Variants in ACOX3 observed in about 807,000 individuals in gnomAD.
ACOX3 encodes acyl-CoA oxidase 3, pristanoyl.
ACOX3 carries 73 observed loss-of-function variants against 81.5 expected under a neutral mutation model. That is an observed-to-expected ratio of 0.90 (90% CI 0.74 to 1.09). The LOEUF (loss-of-function observed/expected upper bound fraction) is 1.09, where lower values mean the gene tolerates loss of function less well. Among genes scored for constraint, ACOX3 ranks in the 50% least tolerant of loss-of-function variants. ACOX3 has a pLI of 0.00. For missense variants in ACOX3, 947 were observed against 928.0 expected (o/e 1.02, Z -0.27); for synonymous variants, 387 against 375.1 (o/e 1.03, Z -0.37).
Position 8,384,672 on chromosome 4 carries a change from G to A in ACOX3, c.1538-3065C>T, listed in dbSNP as rs1171569544. On this transcript the variant is annotated intron_variant, in intron 13 of 17. Coordinates refer to ENST00000356406, the MANE Select transcript of ACOX3 (RefSeq NM_003501.3). The surrounding 1 kb of genome is among the most constrained non-coding windows in gnomAD (Gnocchi z 5.3). ...TCCTTGACCCCATGGTGAGCTCTTCGCATGCACTGCCTGCCTTTCGGGTCT... is the reference window on the plus strand; with the variant it reads ...TCCTTGACCCCATGGTGAGCTCTTCACATGCACTGCCTGCCTTTCGGGTCT... Among the ~76,000 whole-genome samples, 2 of 152,058 alleles carry A rather than the reference G, an allele frequency of 1.3e-5. No homozygotes were observed. The highest frequency in any genetic ancestry group is 2.4e-5 in the African/African-American group (1 of 41,388).
At chr4:8,363,760 C>T (rs182152875), downstream of ACOX3, among the ~76,000 whole-genome samples, 6 of 152,196 alleles carry the variant, frequency 3.9e-5, no homozygotes, top group East Asian at 5.8e-4. Flanking sequence ...GTAAGGAAGT[C>T]GGCTAAAACC....
chr4:8,406,947 C>T lies in ACOX3; in HGVS notation c.688-904G>A, dbSNP rs983126916. On this transcript the variant is annotated intron_variant, in intron 6 of 17. Coordinates refer to ENST00000356406, the MANE Select transcript of ACOX3 (RefSeq NM_003501.3). The surrounding 1 kb of genome is among the most constrained non-coding windows in gnomAD (Gnocchi z 5.6). ...TCTACAAGAGGTGGAGGAGTAGAGT[C>T]TTCTCTAAACTCCCCCAGGGAAAGG... Among the ~76,000 whole-genome samples the T allele has an allele frequency of 6.6e-6, 1 of 152,130 alleles. No individual in the cohort carries two copies. The highest frequency in any genetic ancestry group is 1.9e-4 in the East Asian group (1 of 5,182).
At position 8,370,874 on chromosome 4, in the gene ACOX3, G is replaced by A. The variant is rs1173635507; in HGVS notation, c.1983+34C>T. On this transcript the variant is annotated intron_variant, in intron 17 of 17. Transcript: ENST00000356406. This position sits in a 1 kb window ranked among gnomAD's most constrained non-coding sequence, Gnocchi z 6.3. ...TCCGCAGAAATGCCCATCAACCCTT[G>A]GGGCACTCCCGTGAGGCCCTGTCCT... The A allele has an allele frequency of 2.6e-5, 41 of 1,591,624 alleles. No homozygotes were observed. The highest frequency in any genetic ancestry group is 3.4e-5 in the Non-Finnish European group (40 of 1,161,112).
At chr4:8,420,046 T>C (rs954270) in intron 1 of ACOX3, among the ~76,000 whole-genome samples, 61,832 of 152,066 alleles carry the variant, frequency 0.41, 12,890 homozygotes, top group South Asian at 0.5. Context: ...AGCAGCTACA[T>C]AGACCTCAAC....
At chr4:8,428,755 C>A (rs1209811673) in intron 1 of ACOX3, among the ~76,000 whole-genome samples, 1 of 152,240 alleles carries the variant, frequency 6.6e-6, no homozygotes, top group African/African-American at 2.4e-5. Flanking sequence ...GGATCAGGAC[C>A]CCCAGTCTGG....
intron 16 of ACOX3, among the ~76,000 whole-genome samples, chr4:8,371,277 C>T (rs918499077): frequency 2.0e-5 from 3 of 152,166 alleles, no homozygotes; most frequent in South Asian, 2.1e-4. Flanking sequence ...CCCTGAAGCT[C>T]GTGAATTAGC....
chr4:8,355,651 A>AT, the ACOX3 span: 1 of 152,278 alleles, frequency 6.6e-6, no homozygotes, highest in East Asian at 1.9e-4. Context: ...AGGCTAGAGC[A>AT]TAAGAGTCTT....
At chr4:8,410,506 C>T in intron 5 of ACOX3, 151 bp from the exon 6 acceptor site, 6 of 1,047,138 alleles carry the variant, frequency 5.7e-6, no homozygotes, top group Non-Finnish European at 8.2e-6. Context: ...TTGTATGGCA[C>T]AGGCAGGCCT....
At chr4:8,420,344 G>A (rs28527486) in intron 1 of ACOX3, among the ~76,000 whole-genome samples, 1 of 152,114 alleles carries the variant, frequency 6.6e-6, no homozygotes, top group Non-Finnish European at 1.5e-5. Context: ...GTGCACCTTG[G>A]GGGTGATAAT....
In ACOX3 at chr4:8,406,585, T is replaced by C. The variant is rs1398511612; in HGVS notation, c.688-542A>G. Among the ~76,000 whole-genome samples, 1 of 151,792 alleles carries C rather than the reference T, an allele frequency of 6.6e-6. No homozygotes were observed. The highest frequency in any genetic ancestry group is 1.5e-5 in the Non-Finnish European group (1 of 67,986). Reference sequence around the variant, plus strand: ...CCAGGCTGCACTGATACTTATTGGATACAAGACAAAGGCAGGATAAGGAGA... The same window carrying C: ...CCAGGCTGCACTGATACTTATTGGACACAAGACAAAGGCAGGATAAGGAGA... On this transcript the variant is annotated intron_variant, in intron 6 of 17. Coordinates refer to ENST00000356406, the MANE Select transcript of ACOX3 (RefSeq NM_003501.3). The surrounding 1 kb of genome is among the most constrained non-coding windows in gnomAD (Gnocchi z 5.6).
At position 8,431,639 on chromosome 4, in the gene ACOX3, G is replaced by C. The variant is rs1269002555; in HGVS notation, c.-15+9009C>G. Among the ~76,000 whole-genome samples, 1 of 152,238 alleles carries C rather than the reference G, an allele frequency of 6.6e-6. No homozygotes were observed. Among genetic ancestry groups the C allele is most frequent in the East Asian group, 1.9e-4 (1 of 5,194 alleles). ...ACATGTTTGTTAGCTATTTCTGGGT[G>C]AAACCACCAGGAGCTGCACGTGGAC... is the stretch of plus-strand genomic sequence containing the variant. On this transcript the variant is annotated intron_variant, in intron 1 of 17. Transcript: ENST00000356406. This position sits in a 1 kb window ranked among gnomAD's most constrained non-coding sequence, Gnocchi z 5.3.
At chr4:8,410,882 A>C (rs1721648161) in intron 5 of ACOX3, among the ~76,000 whole-genome samples, 1 of 152,204 alleles carries the variant, frequency 6.6e-6, no homozygotes, top group Non-Finnish European at 1.5e-5. Context: ...GAACATCAGA[A>C]GGAAGGAAGG....
chr4:8,403,119 C>G (rs1396097452), intron 7 of ACOX3, among the ~76,000 whole-genome samples: 1 of 152,184 alleles, frequency 6.6e-6, no homozygotes, highest in Non-Finnish European at 1.5e-5. Flanking sequence ...AAAATTAATC[C>G]ACACAATTTA....
rs1387611452 is a variant in ACOX3 at position 8,389,254 on chromosome 4, C to G, written c.1456G>C (p.Val486Leu). 12 of 1,613,590 alleles carry G rather than the reference C, an allele frequency of 7.4e-6. No individual in the cohort carries two copies. In the Admixed American group the frequency reaches 1.2e-4, roughly 16 times the overall value. ...CCGGGATAGGCGTCCAGAAAGTCCACTGACTTCAGCGGACTGCGGAAGCAA... is the reference window on the plus strand; with the variant it reads ...CCGGGATAGGCGTCCAGAAAGTCCAGTGACTTCAGCGGACTGCGGAAGCAA... ...GACFRSPLKS[V>L]DFLDAYPGIL... Residue 486 changes from valine (V) to leucine (L), a missense_variant, in exon 13 of 18, where the codon GTG becomes CTG. Physicochemically the swap from Val to Leu is conservative, Grantham distance 32. Transcript: ENST00000356406. The surrounding 1 kb of genome is among the most constrained non-coding windows in gnomAD (Gnocchi z 5.3).
At chr4:8,373,189 G>A (rs528689272) in intron 16 of ACOX3, among the ~76,000 whole-genome samples, 3 of 152,360 alleles carry the variant, frequency 2.0e-5, no homozygotes, top group Non-Finnish European at 4.4e-5. Context: ...GAGGGCCTGG[G>A]TGTGTGCAGA....
At chr4:8,358,502 G>A in the ACOX3 span, among the ~76,000 whole-genome samples, 1 of 152,124 alleles carries the variant, frequency 6.6e-6, no homozygotes, top group Non-Finnish European at 1.5e-5. Context: ...TTGAATATGA[G>A]CTGGGTAAAA....
intron 1 of ACOX3, chr4:8,436,479 G>A (rs1724241637): frequency 6.6e-6 from 1 of 152,140 alleles, no homozygotes; most frequent in Admixed American, 6.5e-5. Context: ...TTAAAAAAGG[G>A]CCTGTTAAGA....
chr4:8,361,425 C>CAAAA (rs56251372), downstream of ACOX3, among the ~76,000 whole-genome samples: 256 of 39,028 alleles, frequency 6.6e-3, 40 homozygotes, highest in South Asian at 0.012. Context: ...GACTCTATCT[C>CAAAA]AAAAAAAAAA....
intron 9 of ACOX3, among the ~76,000 whole-genome samples, chr4:8,395,851 G>A (rs79259456): frequency 2.5e-4 from 38 of 152,364 alleles, no homozygotes; most frequent in Non-Finnish European, 4.0e-4. Context: ...CTGCAATTCT[G>A]TTACAATTTC....
Sources: allele counts gnomAD v4.1 joint callset (sites outside exome capture counted in the v4.1 genomes callset), GRCh38; gene constraint gnomAD v4.1.1; non-coding constraint Gnocchi (gnomAD v3.1); transcripts MANE v1.5; gene names NCBI Gene and HGNC (gene_info 2026-07-23, HGNC 2026-07-21).